ROPN1: variants seen among roughly 807,000 people sequenced by gnomAD.
ROPN1 encodes the protein ropporin-1A.
ROPN1 carries 14 observed loss-of-function variants against 20.5 expected under a neutral mutation model. The ratio of observed to expected loss-of-function variants is 0.68; its 90% CI spans 0.45 to 1.07. The LOEUF (loss-of-function observed/expected upper bound fraction) is 1.07, where lower values mean the gene tolerates loss of function less well. Ranked by LOEUF, ROPN1 falls within the 50% of genes least tolerant of loss-of-function variation. The pLI, the probability that ROPN1 is intolerant of heterozygous loss-of-function variation, is 0.00. For missense variants in ROPN1, 169 were observed against 242.8 expected (o/e 0.70, Z 2.02); for synonymous variants, 76 against 95.7 (o/e 0.79, Z 1.20).
intron 1 of ROPN1, among the ~76,000 whole-genome samples, chr3:123,990,138 C>T (rs2149006085): frequency 6.6e-6 from 1 of 152,228 alleles, no homozygotes. Flanking sequence ...AGGCAGGGAG[C>T]CAGGTTAGGA....
intron 1 of ROPN1, among the ~76,000 whole-genome samples, chr3:123,984,762 A>G (rs1420535894): frequency 6.6e-6 from 1 of 152,154 alleles, no homozygotes; most frequent in African/African-American, 2.4e-5. Flanking sequence ...AAAAAAAATT[A>G]TATATCCAAA....
intron 1 of ROPN1, 44 bp downstream of exon 1, chr3:123,991,878 G>C (rs1200225847): frequency 6.7e-6 from 1 of 148,476 alleles, no homozygotes; most frequent in Admixed American, 6.7e-5. Flanking sequence ...CCCTCGGGGC[G>C]CTCAGAGCCC....
At chr3:123,975,247 A>G (rs1418013956) in intron 4 of ROPN1, 132 bp downstream of exon 4, 1 of 1,345,828 alleles carries the variant, frequency 7.4e-7, no homozygotes, top group Non-Finnish European at 1.0e-6. Flanking sequence ...TTTAGAGAGG[A>G]GAAGGACAAG....
intron 2 of ROPN1, 65 bp downstream of exon 2, chr3:123,980,300 CG>C (rs1244091676): frequency 6.7e-7 from 1 of 1,492,158 alleles, no homozygotes; most frequent in Non-Finnish European, 9.3e-7. Context: ...ACAACCTCCG[CG>C]GTTTTACAGG....
chr3:123,971,886 T>C (rs1257500801), intron 4 of ROPN1, among the ~76,000 whole-genome samples: 8 of 152,206 alleles, frequency 5.3e-5, no homozygotes, highest in African/African-American at 1.9e-4. Flanking sequence ...GAGAATGTGA[T>C]TGTATTTGAA....
chr3:123,988,466 G>C (rs1034475871), intron 1 of ROPN1, among the ~76,000 whole-genome samples: 1 of 152,152 alleles, frequency 6.6e-6, no homozygotes, highest in African/African-American at 2.4e-5. Flanking sequence ...GGGCTCTGAG[G>C]GGGTGAATGC....
intron 2 of ROPN1, among the ~76,000 whole-genome samples, chr3:123,977,582 T>A (rs868354813): frequency 2.6e-4 from 40 of 152,244 alleles, no homozygotes; most frequent in African/African-American, 8.7e-4. Flanking sequence ...GATGGAAGTG[T>A]CCTGGGGTGA....
intron 1 of ROPN1, chr3:123,981,339 GA>G (rs1369733500): frequency 6.5e-6 from 1 of 153,040 alleles, no homozygotes; most frequent in Non-Finnish European, 1.5e-5. Context: ...GAGTAAAGGG[GA>G]ACCCGCAGTG....
chr3:123,991,946 G>A lies in ROPN1; in HGVS notation c.-37C>T, dbSNP rs1400045089. On this transcript the variant is annotated 5_prime_UTR_variant, in exon 1 of 6. Transcript: ENST00000405845. The stretch of plus-strand genomic sequence containing the variant: ...CCTCAGGCTCGCTCCCAAACCGGCT[G>A]TCTGGCTTCAGGCGACACCTGGCGC... The A allele has an allele frequency of 2.5e-5, 3 of 120,024 alleles. No individual in the cohort carries two copies. The highest frequency in any genetic ancestry group is 5.4e-5 in the Non-Finnish European group (3 of 55,836). 7.4% of individuals were successfully genotyped at this position (120,024 alleles called of 1,614,324 possible).
chr3:123,984,747 C>T (rs1006931432), intron 1 of ROPN1, among the ~76,000 whole-genome samples: 6 of 151,680 alleles, frequency 4.0e-5, no homozygotes, highest in Non-Finnish European at 5.9e-5. Context: ...TGGCCACTTT[C>T]CAAAAAAAAA....
intron 1 of ROPN1, chr3:123,980,711 A>G: frequency 2.2e-6 from 1 of 456,450 alleles, no homozygotes; most frequent in Non-Finnish European, 3.9e-6. Flanking sequence ...TAAAAATTAC[A>G]CAGCCCTTGT....
chr3:123,976,887 G>C lies in ROPN1; in HGVS notation c.211C>G (p.Leu71Val). The change falls in exon 3 of 6, where the codon CTG (leucine) becomes GTG (valine). Residue 71 changes from leucine to valine, a missense_variant. Physicochemically the swap from Leu to Val is conservative, Grantham distance 32. Transcript: ENST00000405845. ...LCNRAELTPE[L>V]LKILHSQVAG... ...ACCTGAGAATGCAGGATCTTTAACA[G>C]CTCAGGTGTTAGCTCTGCCCGGTTA... 1 of 1,614,056 alleles carries C rather than the reference G, an allele frequency of 6.2e-7. No individual in the cohort carries two copies. Among genetic ancestry groups the C allele is most frequent in the East Asian group, 2.2e-5 (1 of 44,878 alleles).
At chr3:123,980,322 T>TCCGG in intron 2 of ROPN1, 44 bp downstream of exon 2, 2 of 1,600,842 alleles carry the variant, frequency 1.2e-6, no homozygotes, top group Non-Finnish European at 1.7e-6. Flanking sequence ...ACCCTCTGTC[T>TCCGG]CCGGCCGTCC....
intron 2 of ROPN1, chr3:123,980,033 G>A (rs1041190296): frequency 4.0e-6 from 2 of 497,482 alleles, no homozygotes; most frequent in East Asian, 3.1e-5. Context: ...TCTTTCCACC[G>A]GGAGTGGGAA....
In ROPN1 at chr3:123,970,190, A is replaced by C. The variant is rs796950287; in HGVS notation, c.424T>G (p.Cys142Gly). The C allele has an allele frequency of 4.3e-6, 7 of 1,613,992 alleles. No homozygotes were observed. Among genetic ancestry groups the C allele is most frequent in the Non-Finnish European group, 4.2e-6 (5 of 1,179,888 alleles). The change falls in exon 5 of 6, where the codon TGT becomes GGT. Residue 142 changes from cysteine (C) to glycine (G), a missense_variant. Around this residue, in one of 3 missense-constraint regions of ROPN1, gnomAD observed 82 missense variants for 100.1 expected, o/e 0.82. Transcript: ENST00000405845. ...TTATGGTCACATGATAAGACCTCAC[A>C]CACTATCTTGAGAGTTTTGGTAATA... Reference protein sequence around the residue: ...VTITKTLKIVCEVLSCDHNGG... With the variant: ...VTITKTLKIVGEVLSCDHNGG...
At chr3:123,990,701 A>G (rs904594223) in intron 1 of ROPN1, among the ~76,000 whole-genome samples, 2 of 150,660 alleles carry the variant, frequency 1.3e-5, no homozygotes, top group African/African-American at 4.9e-5. Flanking sequence ...GTCTTCTTCA[A>G]TTATACATTC....
At chr3:123,982,291 T>C (rs920388018) in intron 1 of ROPN1, among the ~76,000 whole-genome samples, 49 of 152,210 alleles carry the variant, frequency 3.2e-4, no homozygotes, top group Non-Finnish European at 5.9e-5. Flanking sequence ...TCAATGAGTA[T>C]GCCACAGACA....
chr3:123,970,233 A>C lies in ROPN1; in HGVS notation c.397-16T>G. On this transcript the variant is annotated splice_polypyrimidine_tract_variant and intron_variant, in intron 4 of 5. Coordinates refer to ENST00000405845, the MANE Select transcript of ROPN1 (RefSeq NM_001317774.2). ...TGGTAATAGTCTATAAAAGTTAGATAAAATGAGGAGAAAGTTACTCTTCCA... is the reference window on the plus strand; with the variant it reads ...TGGTAATAGTCTATAAAAGTTAGATCAAATGAGGAGAAAGTTACTCTTCCA... 1 of 1,606,748 alleles carries C rather than the reference A, an allele frequency of 6.2e-7. No individual in the cohort carries two copies. Among genetic ancestry groups the C allele is most frequent in the South Asian group, 1.1e-5 (1 of 90,420 alleles).
At chr3:123,984,059 T>C (rs1194624988) in intron 1 of ROPN1, among the ~76,000 whole-genome samples, 1 of 152,156 alleles carries the variant, frequency 6.6e-6, no homozygotes, top group Non-Finnish European at 1.5e-5. Flanking sequence ...CATTGCTCCT[T>C]TGCCTCCTTC....
Sources: gnomAD v4.1 joint callset for allele counts (sites outside exome capture counted in the v4.1 genomes callset) on GRCh38, gnomAD v4.1.1 for gene constraint, gnomAD v4.1.1 regional missense constraint, MANE v1.5 for transcripts, NCBI Gene and HGNC (gene_info 2026-07-23, HGNC 2026-07-21) for gene names.